PTPRT: variants seen among roughly 807,000 people sequenced by gnomAD.
PTPRT encodes receptor-type tyrosine-protein phosphatase T.
In PTPRT, 56 loss-of-function variants were observed where a neutral mutation model predicts 176.8. The observed-to-expected ratio is 0.32, with a 90% CI of 0.26 to 0.40. The LOEUF (loss-of-function observed/expected upper bound fraction) is 0.40, where lower values mean the gene tolerates loss of function less well. Ranked by LOEUF, PTPRT falls within the 10% of genes least tolerant of loss-of-function variation. The probability of loss-of-function intolerance (pLI) is 1.00; values close to 1 mark genes in which losing one functional copy is unlikely to be tolerated. For synonymous variants in PTPRT, 783 were observed against 739.0 expected, an observed-to-expected ratio of 1.06 and a Z score of -0.96; for missense variants, 1,540 against 1,908.2, an observed-to-expected ratio of 0.81 and a Z score of 3.60.
chr20:43,043,334 T>G (rs1329716987), intron 1 of PTPRT, among the ~76,000 whole-genome samples: 1 of 151,478 alleles, frequency 6.6e-6, no homozygotes, highest in African/African-American at 2.4e-5. Flanking sequence ...AAGAGCTCCA[T>G]ATCCTGAGAA....
In PTPRT at chr20:42,118,429, C is replaced by A; in HGVS notation, c.2956G>T (p.Val986Phe). The change falls in exon 21 of 31, where the codon GTC (valine) becomes TTC (phenylalanine). Residue 986 changes from valine (V) to phenylalanine (F), a missense_variant. Physicochemically the swap from Val to Phe is conservative, Grantham distance 50. This residue lies in a region of PTPRT where 248 missense variants were observed against 356.7 expected (regional missense o/e 0.70). Coordinates refer to ENST00000373187, the MANE Select transcript of PTPRT (RefSeq NM_007050.6). ...CTGCCCACTTCCACCAGGTTTGTGA[C>A]CATGACGATGCTGGCGGAGTTCTCC... is the stretch of plus-strand genomic sequence containing the variant. Reference protein sequence around the residue: ...WQENSASIVMVTNLVEVGRVK... With the variant: ...WQENSASIVMFTNLVEVGRVK... 2.5e-6 allele frequency: 4 copies of A among 1,613,022 alleles called. No individual in the cohort carries two copies. The highest frequency in any genetic ancestry group is 3.4e-6 in the Non-Finnish European group (4 of 1,179,390).
At chr20:43,094,984 G>A (rs1185587779) in intron 1 of PTPRT, among the ~76,000 whole-genome samples, 1 of 152,140 alleles carries the variant, frequency 6.6e-6, no homozygotes, top group Admixed American at 6.5e-5. Context: ...GGTGTTCAGG[G>A]GGAAAGGCAT....
In PTPRT at chr20:42,845,817, T is replaced by C. The variant is rs1464925038; in HGVS notation, c.214+39990A>G. Among the ~76,000 whole-genome samples, 6 of 152,060 alleles carry C rather than the reference T, an allele frequency of 3.9e-5. No homozygotes were observed. In the South Asian group the frequency reaches 1.2e-3, roughly 32 times the overall value. ...AGAGATAGCACAAGCTTCTGAGAAATGATGGCAGAGAAGAACTGGGCAGGT... is the reference window on the plus strand; with the variant it reads ...AGAGATAGCACAAGCTTCTGAGAAACGATGGCAGAGAAGAACTGGGCAGGT... On this transcript the variant is annotated intron_variant, in intron 2 of 30. Transcript: ENST00000373187.
chr20:43,137,787 TAC>T (rs898284258), intron 1 of PTPRT, among the ~76,000 whole-genome samples: 4 of 151,586 alleles, frequency 2.6e-5, no homozygotes, highest in Non-Finnish European at 5.9e-5. Context: ...CACACGCGCG[TAC>T]ACACACACAT....
chr20:42,474,192 G>A (rs1009696679), intron 7 of PTPRT, among the ~76,000 whole-genome samples: 69 of 152,218 alleles, frequency 4.5e-4, no homozygotes, highest in African/African-American at 1.6e-3. Context: ...GGCAGTGCTG[G>A]GAGCACCCTT....
chr20:42,364,498 T>C (rs987081963), intron 9 of PTPRT, among the ~76,000 whole-genome samples: 1 of 152,046 alleles, frequency 6.6e-6, no homozygotes, highest in Admixed American at 6.6e-5. Context: ...TTATATCTCC[T>C]TCTTACTAGA....
intron 11 of PTPRT, among the ~76,000 whole-genome samples, chr20:42,349,245 C>A (rs181985895): frequency 2.6e-5 from 4 of 152,316 alleles, no homozygotes; most frequent in African/African-American, 9.6e-5. Flanking sequence ...CTCAAACACA[C>A]TCCCATTCTC....
At position 42,232,038 on chromosome 20, in the gene PTPRT, T is replaced by C. The variant is rs534570029; in HGVS notation, c.2342+4191A>G. On this transcript the variant is annotated intron_variant, in intron 15 of 30. Coordinates refer to ENST00000373187, the MANE Select transcript of PTPRT (RefSeq NM_007050.6). ...CACTACATACTATTTATTTTTGTTA[T>C]ATATGTTGTTTACTTTCTACCTCTT... Among the ~76,000 whole-genome samples, 14 of 152,360 alleles carry C rather than the reference T, an allele frequency of 9.2e-5. No homozygotes were observed. In the South Asian group the frequency reaches 2.5e-3, roughly 27 times the overall value.
At chr20:42,379,332 TC>T (rs1368097092) in intron 9 of PTPRT, among the ~76,000 whole-genome samples, 2 of 152,242 alleles carry the variant, frequency 1.3e-5, no homozygotes, top group Non-Finnish European at 2.9e-5. Flanking sequence ...ATGACAAAGT[TC>T]TATTCATTTC....
chr20:43,027,868 C>A (rs1457833639), intron 1 of PTPRT, among the ~76,000 whole-genome samples: 3 of 152,134 alleles, frequency 2.0e-5, no homozygotes, highest in Non-Finnish European at 2.9e-5. Context: ...TGACAAGATA[C>A]CTTCTGGAAT....
intron 1 of PTPRT, among the ~76,000 whole-genome samples, chr20:43,043,343 A>G (rs74895371): frequency 0.085 from 12,945 of 152,232 alleles, 619 homozygotes; most frequent in Middle Eastern, 0.14. Flanking sequence ...ATATCCTGAG[A>G]AAAAAAGAAA....
chr20:42,522,766 T>C (rs1241377792), intron 7 of PTPRT, among the ~76,000 whole-genome samples: 1 of 152,142 alleles, frequency 6.6e-6, no homozygotes, highest in African/African-American at 2.4e-5. Flanking sequence ...CGGCTTTCTT[T>C]TTCTTGACAC....
chr20:42,050,190 C>T, the PTPRT span, among the ~76,000 whole-genome samples: 3 of 152,286 alleles, frequency 2.0e-5, no homozygotes, highest in African/African-American at 7.2e-5. Flanking sequence ...AGGGAAATCT[C>T]CCCTTTCGTG....
intron 7 of PTPRT, among the ~76,000 whole-genome samples, chr20:42,526,755 T>C (rs1265150352): frequency 1.3e-5 from 2 of 152,050 alleles, no homozygotes; most frequent in Non-Finnish European, 2.9e-5. Flanking sequence ...TTGAATCAGC[T>C]ATTTGTAGAA....
At chr20:43,114,177 T>C (rs1432637533) in intron 1 of PTPRT, among the ~76,000 whole-genome samples, 1 of 152,208 alleles carries the variant, frequency 6.6e-6, no homozygotes, top group Admixed American at 6.5e-5. Flanking sequence ...TAACATGAGA[T>C]AAGCCTATTT....
intron 1 of PTPRT, among the ~76,000 whole-genome samples, chr20:43,057,821 C>T (rs1337016411): frequency 6.6e-6 from 1 of 152,242 alleles, no homozygotes; most frequent in African/African-American, 2.4e-5. Context: ...GGGCTACTCA[C>T]AGGACCTTTG....
chr20:43,003,422 T>C (rs1984693627), intron 1 of PTPRT, among the ~76,000 whole-genome samples: 1 of 152,132 alleles, frequency 6.6e-6, no homozygotes, highest in Non-Finnish European at 1.5e-5. Flanking sequence ...GGCTGGTCTC[T>C]AACTCCTGAG....
At chr20:42,218,299 G>A (rs572732553) in intron 15 of PTPRT, among the ~76,000 whole-genome samples, 5 of 152,326 alleles carry the variant, frequency 3.3e-5, no homozygotes, top group South Asian at 2.1e-4. Context: ...TGATTACAAC[G>A]ATGAAGAAGT....
chr20:43,188,354 T>A (rs1356321736), intron 1 of PTPRT, among the ~76,000 whole-genome samples: 2 of 152,192 alleles, frequency 1.3e-5, no homozygotes, highest in Non-Finnish European at 2.9e-5. Context: ...GGAAACAGGC[T>A]GTCCCTTCAC....
Sources: gnomAD v4.1 joint callset for allele counts (sites outside exome capture counted in the v4.1 genomes callset) on GRCh38, gnomAD v4.1.1 for gene constraint, gnomAD v4.1.1 regional missense constraint, MANE v1.5 for transcripts, NCBI Gene and HGNC (gene_info 2026-07-23, HGNC 2026-07-21) for gene names.